Variants in EPB41 observed in about 807,000 individuals in gnomAD.
EPB41 encodes erythrocyte membrane protein band 4.1.
A neutral mutation model predicts 108.0 loss-of-function variants in EPB41; 65 were observed. That is an observed-to-expected ratio of 0.60 (90% CI 0.49 to 0.74). The LOEUF (loss-of-function observed/expected upper bound fraction) is 0.74, where lower values mean the gene tolerates loss of function less well. EPB41 is among the 30% of genes least tolerant of loss of function. The probability of loss-of-function intolerance (pLI) is 0.00; values close to 1 mark genes in which losing one functional copy is unlikely to be tolerated. For synonymous variants in EPB41, 336 were observed against 358.9 expected, an observed-to-expected ratio of 0.94 and a Z score of 0.72; for missense variants, 875 against 1,037.0, an observed-to-expected ratio of 0.84 and a Z score of 2.15.
At chr1:28,934,484 A>G (rs570617550) in intron 1 of EPB41, among the ~76,000 whole-genome samples, 1 of 152,312 alleles carries the variant, frequency 6.6e-6, no homozygotes, top group South Asian at 2.1e-4. Context: ...GTAATTCTGC[A>G]TCAGAGACTT....
chr1:29,030,277 A>G (rs2096771957), intron 7 of EPB41, 123 bp from the exon 8 acceptor site: 1 of 746,920 alleles, frequency 1.3e-6, no homozygotes. Context: ...AGGACTAGGA[A>G]ATATATCTTA....
chr1:29,065,356 G>A, intron 16 of EPB41, 198 bp downstream of exon 16: 1 of 839,200 alleles, frequency 1.2e-6, no homozygotes. Flanking sequence ...TGCAATTATA[G>A]GAGCTATTTG....
intron 1 of EPB41, among the ~76,000 whole-genome samples, chr1:28,968,961 C>G (rs2095426809): frequency 7.4e-6 from 1 of 135,960 alleles, no homozygotes; most frequent in East Asian, 2.5e-4. Flanking sequence ...TGATACTCTG[C>G]CTCCAAAACC....
intron 2 of EPB41, among the ~76,000 whole-genome samples, chr1:28,991,144 C>T (rs2096008813): frequency 6.7e-6 from 1 of 149,658 alleles, no homozygotes; most frequent in Non-Finnish European, 1.5e-5. Context: ...CTTTTTTATC[C>T]AGAATTTTTT....
intron 16 of EPB41, chr1:29,069,614 C>T (rs2151083276): frequency 4.4e-6 from 1 of 229,622 alleles, no homozygotes; most frequent in Middle Eastern, 1.8e-3. Flanking sequence ...TTTTTAAAGT[C>T]TATATGAAGA....
At chr1:29,066,470 A>T (rs1424730424) in intron 16 of EPB41, among the ~76,000 whole-genome samples, 4 of 152,198 alleles carry the variant, frequency 2.6e-5, no homozygotes, top group Non-Finnish European at 4.4e-5. Flanking sequence ...AATCTATTAA[A>T]CATTTAATGA....
chr1:28,980,295 G>A (rs956800068), intron 1 of EPB41, among the ~76,000 whole-genome samples: 1 of 152,094 alleles, frequency 6.6e-6, no homozygotes, highest in African/African-American at 2.4e-5. Flanking sequence ...CTGAGATTAT[G>A]CCATTGCACT....
At chr1:29,044,845 G>A (rs1363906747) in intron 11 of EPB41, among the ~76,000 whole-genome samples, 2 of 152,042 alleles carry the variant, frequency 1.3e-5, no homozygotes, top group African/African-American at 2.4e-5. Context: ...GTGAGACTCC[G>A]TCTCAAAAAT....
intron 1 of EPB41, among the ~76,000 whole-genome samples, chr1:28,890,737 G>T (rs1429205187): frequency 6.6e-6 from 1 of 152,210 alleles, no homozygotes; most frequent in African/African-American, 2.4e-5. Flanking sequence ...TATTATCTTT[G>T]TTTTGCAGGA....
chr1:29,078,707 C>T (rs1655133695), intron 16 of EPB41, among the ~76,000 whole-genome samples: 1 of 152,092 alleles, frequency 6.6e-6, no homozygotes, highest in South Asian at 2.1e-4. Context: ...ATAATCATGC[C>T]ACTGTACTCC....
chr1:29,083,016 C>CA (rs1474373716), intron 16 of EPB41, among the ~76,000 whole-genome samples: 1 of 152,166 alleles, frequency 6.6e-6, no homozygotes, highest in Non-Finnish European at 1.5e-5. Context: ...TAAAGGCCCA[C>CA]ATCTTCCGGA....
intron 1 of EPB41, among the ~76,000 whole-genome samples, chr1:28,925,880 A>T (rs1273013354): frequency 6.6e-6 from 1 of 152,144 alleles, no homozygotes; most frequent in Non-Finnish European, 1.5e-5. Context: ...ACGATCCTTC[A>T]TTTAGTACAT....
intron 1 of EPB41, among the ~76,000 whole-genome samples, chr1:28,890,344 G>T (rs2089986343): frequency 6.6e-6 from 1 of 152,098 alleles, no homozygotes; most frequent in Non-Finnish European, 1.5e-5. Context: ...GGCTGATTCT[G>T]ATATTTATTA....
chr1:29,035,369 G>A (rs1209323854), intron 9 of EPB41, among the ~76,000 whole-genome samples: 3 of 152,052 alleles, frequency 2.0e-5, no homozygotes, highest in African/African-American at 7.2e-5. Flanking sequence ...TTAAAAATCT[G>A]GCTTGAACTA....
chr1:29,117,528 G>C lies in EPB41; in HGVS notation c.*716G>C, dbSNP rs537127814. On this transcript the variant is annotated 3_prime_UTR_variant, in exon 21 of 21. Transcript: ENST00000343067. Reference sequence around the variant, plus strand: ...CAGATATCTGATACTGTGAATGTTTGAACATATCCGTGGCCTTCACCTCTC... The same window carrying C: ...CAGATATCTGATACTGTGAATGTTTCAACATATCCGTGGCCTTCACCTCTC... 16 of 152,734 alleles carry C rather than the reference G, an allele frequency of 1.0e-4. No homozygotes were observed. The highest frequency in any genetic ancestry group is 3.6e-4 in the African/African-American group (15 of 41,572). 9.5% of individuals were successfully genotyped at this position (152,734 alleles called of 1,614,324 possible).
intron 1 of EPB41, among the ~76,000 whole-genome samples, chr1:28,932,116 T>C (rs1355559386): frequency 6.6e-6 from 1 of 152,046 alleles, no homozygotes; most frequent in Middle Eastern, 3.2e-3. Flanking sequence ...ACTTGTAGTG[T>C]TTTGTTTTGT....
intron 1 of EPB41, among the ~76,000 whole-genome samples, chr1:28,924,904 C>T (rs1247652417): frequency 1.3e-5 from 2 of 151,260 alleles, no homozygotes; most frequent in Non-Finnish European, 2.9e-5. Flanking sequence ...TCAAGCAGTC[C>T]TCCCACCTCA....
In EPB41 at chr1:29,018,803, CA is replaced by C. The variant is rs1302860405; in HGVS notation, c.1124+362del. On this transcript the variant is annotated intron_variant, in intron 7 of 20. Transcript: ENST00000343067. This position sits in a 1 kb window ranked among gnomAD's most constrained non-coding sequence, Gnocchi z 4.4. ...ATTAGGTACCTTGAGATCCTTAGAG[CA>C]GGGGTTTTTAATTTGAGATCTTTAT... Among the ~76,000 whole-genome samples, 5 of 152,088 alleles carry C rather than the reference CA, an allele frequency of 3.3e-5. No homozygotes were observed. The highest frequency in any genetic ancestry group is 1.2e-4 in the African/African-American group (5 of 41,408).
chr1:29,078,587 C>G (rs1448568309), intron 16 of EPB41, among the ~76,000 whole-genome samples: 1 of 151,574 alleles, frequency 6.6e-6, no homozygotes, highest in African/African-American at 2.4e-5. Flanking sequence ...AGACCCATCT[C>G]TACCAAAAAA....
Sources: allele counts gnomAD v4.1 joint callset (sites outside exome capture counted in the v4.1 genomes callset), GRCh38; gene constraint gnomAD v4.1.1; non-coding constraint Gnocchi (gnomAD v3.1); transcripts MANE v1.5; gene names NCBI Gene and HGNC (gene_info 2026-07-23, HGNC 2026-07-21).